SPIRE1: variants seen among roughly 807,000 people sequenced by gnomAD.
SPIRE1 encodes the protein protein spire homolog 1.
Under a neutral mutation model 94.1 loss-of-function variants are expected in SPIRE1, and 40 were observed. That is an observed-to-expected ratio of 0.43 (90% CI 0.33 to 0.55). The LOEUF (loss-of-function observed/expected upper bound fraction) is 0.55. Ranked by LOEUF, SPIRE1 falls within the 20% of genes least tolerant of loss-of-function variation. The pLI is 0.06. For synonymous variants in SPIRE1, 376 were observed against 371.7 expected (o/e 1.01, Z -0.13); for missense variants, 838 against 975.2 (o/e 0.86, Z 1.87).
At chr18:12,476,264 C>T (rs867295732) in intron 10 of SPIRE1, among the ~76,000 whole-genome samples, 3 of 151,910 alleles carry the variant, frequency 2.0e-5, no homozygotes, top group African/African-American at 2.4e-5. Flanking sequence ...TTCAGCTGGG[C>T]GTGGTGGCTC....
At chr18:12,623,805 T>A (rs1484191664) in intron 2 of SPIRE1, among the ~76,000 whole-genome samples, 1 of 151,974 alleles carries the variant, frequency 6.6e-6, no homozygotes, top group African/African-American at 2.4e-5. Flanking sequence ...ATTTTTTGTA[T>A]TTAGTAGAGC....
chr18:12,632,145 G>A (rs1013627382), intron 2 of SPIRE1, among the ~76,000 whole-genome samples: 1 of 152,042 alleles, frequency 6.6e-6, no homozygotes, highest in Non-Finnish European at 1.5e-5. Flanking sequence ...GAGAATGAAA[G>A]TATAAAGGCA....
At chr18:12,646,036 A>G (rs2038215039) in intron 1 of SPIRE1, among the ~76,000 whole-genome samples, 1 of 152,222 alleles carries the variant, frequency 6.6e-6, no homozygotes, top group Non-Finnish European at 1.5e-5. Context: ...CGAATTCGGC[A>G]GCAAAAAATG....
At chr18:12,654,911 C>A (rs989392878) in intron 1 of SPIRE1, among the ~76,000 whole-genome samples, 2 of 151,778 alleles carry the variant, frequency 1.3e-5, no homozygotes, top group African/African-American at 4.8e-5. Context: ...GCCTATAGTC[C>A]CAGCTGCTCG....
rs1232050126 is a variant in SPIRE1 at position 12,592,859 on chromosome 18, CGTT to C, written c.372+42200_372+42202del. On this transcript the variant is annotated intron_variant, in intron 2 of 16. Transcript: ENST00000409402. ...TTCTATCTCCTAAGCCTAATCCAGT[CGTT>C]GTTTTCCTTTCTTTTTTAGAGACAG... Among the ~76,000 whole-genome samples the C allele has an allele frequency of 2.0e-5, 3 of 152,176 alleles. No homozygotes were observed. In the East Asian group the frequency reaches 5.8e-4, roughly 29 times the overall value.
chr18:12,516,456 T>C (rs2034197849), intron 4 of SPIRE1, among the ~76,000 whole-genome samples: 1 of 152,158 alleles, frequency 6.6e-6, no homozygotes, highest in Non-Finnish European at 1.5e-5. Context: ...GAGACTGTCC[T>C]GGAAAGGGTT....
intron 2 of SPIRE1, among the ~76,000 whole-genome samples, chr18:12,568,320 T>C (rs960934320): frequency 6.6e-6 from 1 of 152,256 alleles, no homozygotes; most frequent in African/African-American, 2.4e-5. Flanking sequence ...TTATCACTCA[T>C]GTATGCTGCT....
At position 12,568,709 on chromosome 18, in the gene SPIRE1, C is replaced by A. The variant is rs187213330; in HGVS notation, c.373-21805G>T. Among the ~76,000 whole-genome samples the A allele has an allele frequency of 2.6e-3, 389 of 152,304 alleles. 2 individuals carry two copies. Among genetic ancestry groups the A allele is most frequent in the African/African-American group, 8.7e-3 (361 of 41,560 alleles). On this transcript the variant is annotated intron_variant, in intron 2 of 16. Coordinates refer to ENST00000409402, the MANE Select transcript of SPIRE1 (RefSeq NM_001128626.2). ...AAGGCAAAATCCTTCTGTAATTCAT[C>A]TTTATATCTTCACATTATTTTATAA...
intron 2 of SPIRE1, among the ~76,000 whole-genome samples, chr18:12,551,444 G>A (rs909805599): frequency 2.6e-5 from 4 of 152,200 alleles, no homozygotes; most frequent in Non-Finnish European, 5.9e-5. Flanking sequence ...GCTCACGCCT[G>A]TAATCCCAGC....
chr18:12,616,058 G>C (rs935164005), intron 2 of SPIRE1, among the ~76,000 whole-genome samples: 11 of 152,070 alleles, frequency 7.2e-5, no homozygotes, highest in South Asian at 6.2e-4. Context: ...CAGGAATAGA[G>C]GTATTAACAA....
chr18:12,511,595 A>G (rs1281345203), intron 5 of SPIRE1, among the ~76,000 whole-genome samples: 1 of 152,244 alleles, frequency 6.6e-6, no homozygotes, highest in Non-Finnish European at 1.5e-5. Flanking sequence ...TACAATTCTC[A>G]GAGACATTGG....
At chr18:12,458,281 G>T (rs2031617983) in intron 12 of SPIRE1, among the ~76,000 whole-genome samples, 1 of 151,828 alleles carries the variant, frequency 6.6e-6, no homozygotes. Flanking sequence ...AATAAAAACA[G>T]CAACTATTAA....
At chr18:12,660,299 C>CTA (rs2038669205), upstream of SPIRE1, among the ~76,000 whole-genome samples, 1 of 149,506 alleles carries the variant, frequency 6.7e-6, no homozygotes, top group African/African-American at 2.5e-5. Flanking sequence ...AGTCATCCCT[C>CTA]TAATCAATGG....
chr18:12,500,286 TA>T (rs961711502), intron 6 of SPIRE1, among the ~76,000 whole-genome samples: 1 of 152,100 alleles, frequency 6.6e-6, no homozygotes, highest in African/African-American at 2.4e-5. Flanking sequence ...AATTAAAATG[TA>T]AAAAAATGAA....
chr18:12,509,562 G>A (rs2033956960), intron 5 of SPIRE1, among the ~76,000 whole-genome samples: 1 of 152,070 alleles, frequency 6.6e-6, no homozygotes, highest in Non-Finnish European at 1.5e-5. Context: ...AGACAATGTA[G>A]GCAAGTATTT....
At chr18:12,534,881 T>C (rs1168206975) in intron 4 of SPIRE1, among the ~76,000 whole-genome samples, 2 of 152,200 alleles carry the variant, frequency 1.3e-5, no homozygotes, top group South Asian at 2.1e-4. Flanking sequence ...TATATGTCTA[T>C]ATATCCCATT....
chr18:12,521,230 C>T (rs2034348750), intron 4 of SPIRE1, among the ~76,000 whole-genome samples: 3 of 151,880 alleles, frequency 2.0e-5, no homozygotes, highest in African/African-American at 7.3e-5. Flanking sequence ...AAACCGAGCT[C>T]AATAATTTCA....
chr18:12,634,950 A>G, intron 2 of SPIRE1, 112 bp downstream of exon 2: 1 of 584,098 alleles, frequency 1.7e-6, no homozygotes, highest in South Asian at 2.1e-5. Context: ...AAAAAAAAAA[A>G]GAAATCTTAT....
At chr18:12,486,519 T>C (rs937860725) in intron 8 of SPIRE1, among the ~76,000 whole-genome samples, 14 of 152,170 alleles carry the variant, frequency 9.2e-5, no homozygotes, top group Admixed American at 6.5e-4. Context: ...AAACTATCTA[T>C]TGTAGGCCAT....
Sources: gnomAD v4.1 joint callset for allele counts (sites outside exome capture counted in the v4.1 genomes callset) on GRCh38, gnomAD v4.1.1 for gene constraint, MANE v1.5 for transcripts, NCBI Gene and HGNC (gene_info 2026-07-23, HGNC 2026-07-21) for gene names.